The following NGLY1 variants were observed in gnomAD, a reference collection of about 807,000 sequenced individuals.
NGLY1 encodes N-glycanase 1, also known as peptide-N(4)-(N-acetyl-beta-glucosaminyl)asparagine amidase.
NGLY1 carries 68 observed loss-of-function variants against 84.6 expected under a neutral mutation model. That is an observed-to-expected ratio of 0.80 (90% CI 0.66 to 0.98). The LOEUF (loss-of-function observed/expected upper bound fraction) is 0.98. Ranked by LOEUF, NGLY1 falls within the 50% of genes least tolerant of loss-of-function variation. NGLY1 has a pLI of 0.00. For missense variants in NGLY1, 779 were observed against 770.2 expected, an observed-to-expected ratio of 1.01 and a Z score of -0.14; for synonymous variants, 280 against 275.2, an observed-to-expected ratio of 1.02 and a Z score of -0.17.
intron 4 of NGLY1, among the ~76,000 whole-genome samples, chr3:25,741,033 C>T (rs559175414): frequency 6.7e-5 from 10 of 149,966 alleles, no homozygotes; most frequent in Non-Finnish European, 1.5e-4. Flanking sequence ...GAGGCTGAGG[C>T]GGGAGAATCA....
chr3:25,767,407 A>G (rs1270305436), intron 2 of NGLY1, among the ~76,000 whole-genome samples: 1 of 152,184 alleles, frequency 6.6e-6, no homozygotes, highest in Non-Finnish European at 1.5e-5. Context: ...GACCCTGACC[A>G]CTAAATGCTG....
chr3:25,731,471 C>T (rs1188171193), intron 9 of NGLY1, among the ~76,000 whole-genome samples: 2 of 151,970 alleles, frequency 1.3e-5, no homozygotes, highest in East Asian at 1.9e-4. Flanking sequence ...ACAAAGATGT[C>T]GAAAAACTTC....
chr3:25,780,027 T>C (rs1708335764), intron 1 of NGLY1, among the ~76,000 whole-genome samples: 1 of 152,222 alleles, frequency 6.6e-6, no homozygotes, highest in South Asian at 2.1e-4. Context: ...TATACAGCAA[T>C]TTGATATTGC....
chr3:25,783,130 G>C lies in NGLY1; in HGVS notation c.131+130C>G. On this transcript the variant is annotated intron_variant, in intron 1 of 11. Coordinates refer to ENST00000280700, the MANE Select transcript of NGLY1 (RefSeq NM_018297.4). This position sits in a 1 kb window ranked among gnomAD's most constrained non-coding sequence, Gnocchi z 4.5. ...GGCTCGGACGTTAGGAGCAGAACCAGCTCCAGGTCCCGGTCTGTCCGGGCG... is the reference window on the plus strand; with the variant it reads ...GGCTCGGACGTTAGGAGCAGAACCACCTCCAGGTCCCGGTCTGTCCGGGCG... 1.2e-6 allele frequency: 1 copy of C among 838,324 alleles called. No homozygotes were observed. Among genetic ancestry groups the C allele is most frequent in the South Asian group, 1.8e-5 (1 of 56,674 alleles). 51.9% of individuals were successfully genotyped at this position (838,324 alleles called of 1,614,324 possible).
upstream of NGLY1, among the ~76,000 whole-genome samples, chr3:25,788,439 T>C (rs1216027668): frequency 6.6e-6 from 1 of 152,152 alleles, no homozygotes; most frequent in African/African-American, 2.4e-5. Flanking sequence ...TAGCAGGAAA[T>C]ATGGTACCAA....
In NGLY1 at chr3:25,751,137, A is replaced by C; in HGVS notation, c.619T>G (p.Ser207Ala). The change falls in exon 4 of 12, where the codon TCA becomes GCA. Residue 207 changes from serine (S) to alanine (A), a missense_variant. Ser to Ala is a moderately conservative substitution (Grantham distance 99, BLOSUM62 1). Transcript: ENST00000280700. ...CIPVQELKRK[S>A]QEKLSRARKL... Reference sequence around the variant, plus strand: ...CTAGCTCTCGATAACTTTTCTTGTGATTTCCTTTTTAGTTCTTGGACCGGA... The same window carrying C: ...CTAGCTCTCGATAACTTTTCTTGTGCTTTCCTTTTTAGTTCTTGGACCGGA... 1 of 1,613,518 alleles carries C rather than the reference A, an allele frequency of 6.2e-7. No homozygotes were observed. Among genetic ancestry groups the C allele is most frequent in the Non-Finnish European group, 8.5e-7 (1 of 1,179,766 alleles).
chr3:25,777,887 G>T (rs1051529909), intron 2 of NGLY1: 1 of 152,164 alleles, frequency 6.6e-6, no homozygotes, highest in Non-Finnish European at 1.5e-5. Flanking sequence ...ATCTTACATA[G>T]CAGCTCAGCA....
upstream of NGLY1, among the ~76,000 whole-genome samples, chr3:25,785,135 CAAAAAA>C (rs1159268520): frequency 2.6e-5 from 2 of 76,984 alleles, no homozygotes; most frequent in Non-Finnish European, 5.2e-5. Flanking sequence ...CCTGCTTGGA[CAAAAAA>C]AAAAAAAAAA....
At chr3:25,723,391 A>G (rs764689979) in intron 10 of NGLY1, among the ~76,000 whole-genome samples, 1 of 152,234 alleles carries the variant, frequency 6.6e-6, no homozygotes, top group Non-Finnish European at 1.5e-5. Context: ...CTCTTATGTT[A>G]AAGAACAGTA....
intron 4 of NGLY1, among the ~76,000 whole-genome samples, chr3:25,748,528 C>T (rs1429144469): frequency 6.6e-6 from 1 of 152,196 alleles, no homozygotes; most frequent in Admixed American, 6.5e-5. Flanking sequence ...TCCAGTACAT[C>T]ATGCCCAGCT....
At chr3:25,722,291 A>ATATT (rs1391770624) in intron 10 of NGLY1, among the ~76,000 whole-genome samples, 1 of 151,538 alleles carries the variant, frequency 6.6e-6, no homozygotes, top group Non-Finnish European at 1.5e-5. Context: ...ATATATATAT[A>ATATT]TTCATGTTAG....
At chr3:25,755,500 C>A in intron 3 of NGLY1, 2 of 1,462,978 alleles carry the variant, frequency 1.4e-6, no homozygotes, top group Non-Finnish European at 9.6e-7. Flanking sequence ...TCTCGGTCCA[C>A]ACCTGTCAAA....
intron 2 of NGLY1, among the ~76,000 whole-genome samples, chr3:25,769,347 T>C (rs1168548900): frequency 6.6e-6 from 1 of 152,054 alleles, no homozygotes; most frequent in Non-Finnish European, 1.5e-5. Context: ...GGCAACGAAG[T>C]GGGACTCCAT....
intron 5 of NGLY1, 71 bp downstream of exon 5, chr3:25,739,506 C>A (rs1327130606): frequency 2.2e-6 from 3 of 1,395,208 alleles, no homozygotes; most frequent in African/African-American, 1.4e-5. Context: ...TTAAAAAGTT[C>A]ATTTAGTAAA....
intron 1 of NGLY1, among the ~76,000 whole-genome samples, chr3:25,778,892 TGG>T (rs55749138): frequency 3.7e-5 from 5 of 133,924 alleles, no homozygotes; most frequent in Non-Finnish European, 6.1e-5. Flanking sequence ...TTTTTTGAGA[TGG>T]GGGGGGTCTC....
At position 25,783,152 on chromosome 3, in the gene NGLY1, G is replaced by A. The variant is rs1708498775; in HGVS notation, c.131+108C>T. 3 of 1,040,914 alleles carry A rather than the reference G, an allele frequency of 2.9e-6. No individual in the cohort carries two copies. Among genetic ancestry groups the A allele is most frequent in the South Asian group, 1.5e-5 (1 of 68,110 alleles). 64.5% of individuals were successfully genotyped at this position (1,040,914 alleles called of 1,614,324 possible). A position where few individuals can be genotyped will look rare whatever the true frequency, so the allele number is the denominator to read the frequency against. Reference sequence around the variant, plus strand: ...CCAGCTCCAGGTCCCGGTCTGTCCGGGCGTCGCTGCCCTCTGAAGCTCAGG... The same window carrying A: ...CCAGCTCCAGGTCCCGGTCTGTCCGAGCGTCGCTGCCCTCTGAAGCTCAGG... On this transcript the variant is annotated intron_variant, in intron 1 of 11. Transcript: ENST00000280700. This position sits in a 1 kb window ranked among gnomAD's most constrained non-coding sequence, Gnocchi z 4.5.
intron 3 of NGLY1, among the ~76,000 whole-genome samples, chr3:25,761,761 T>A (rs895916083): frequency 2.0e-5 from 3 of 152,318 alleles, no homozygotes; most frequent in Non-Finnish European, 4.4e-5. Context: ...TATGTGAATG[T>A]TCACAGCAGC....
intron 4 of NGLY1, among the ~76,000 whole-genome samples, chr3:25,744,569 A>T (rs919259136): frequency 1.3e-5 from 2 of 152,198 alleles, no homozygotes; most frequent in African/African-American, 4.8e-5. Flanking sequence ...TGGGGCAGAG[A>T]CTGATGGTGG....
At chr3:25,772,561 G>C (rs1334426522) in intron 2 of NGLY1, among the ~76,000 whole-genome samples, 1 of 152,190 alleles carries the variant, frequency 6.6e-6, no homozygotes, top group African/African-American at 2.4e-5. Flanking sequence ...CTTAGAGACA[G>C]AGAATACATG....
Sources: allele counts gnomAD v4.1 joint callset (sites outside exome capture counted in the v4.1 genomes callset), GRCh38; gene constraint gnomAD v4.1.1; non-coding constraint Gnocchi (gnomAD v3.1); transcripts MANE v1.5; gene names NCBI Gene and HGNC (gene_info 2026-07-23, HGNC 2026-07-21).